The following GABBR2 variants were observed in gnomAD, a reference collection of about 807,000 sequenced individuals.
GABBR2 encodes the protein gamma-aminobutyric acid type B receptor subunit 2.
GABBR2 carries 23 observed loss-of-function variants against 105.6 expected under a neutral mutation model. The ratio of observed to expected loss-of-function variants is 0.22; its 90% CI spans 0.16 to 0.31. The LOEUF (loss-of-function observed/expected upper bound fraction) is 0.31. Ranked by LOEUF, GABBR2 falls within the 10% of genes least tolerant of loss-of-function variation. The pLI is 1.00. For missense variants in GABBR2, 734 were observed against 1,245.5 expected, an observed-to-expected ratio of 0.59 and a Z score of 6.18; for synonymous variants, 478 against 499.7, an observed-to-expected ratio of 0.96 and a Z score of 0.58.
At chr9:98,624,521 G>A (rs1355257658) in intron 1 of GABBR2, among the ~76,000 whole-genome samples, 1 of 152,222 alleles carries the variant, frequency 6.6e-6, no homozygotes, top group African/African-American at 2.4e-5. Flanking sequence ...AAGGTGGGCG[G>A]GTGGTTGTAA....
chr9:98,620,673 A>G (rs1295746018), intron 1 of GABBR2, among the ~76,000 whole-genome samples: 1 of 152,178 alleles, frequency 6.6e-6, no homozygotes, highest in Non-Finnish European at 1.5e-5. Flanking sequence ...TCTTTGAGGC[A>G]TTGGGTCCGG....
intron 2 of GABBR2, among the ~76,000 whole-genome samples, chr9:98,573,860 T>C (rs1828871592): frequency 6.6e-6 from 1 of 152,244 alleles, no homozygotes; most frequent in Non-Finnish European, 1.5e-5. Context: ...CATCTATATC[T>C]ATGCTTTATA....
rs372591694 is a variant in GABBR2 at position 98,458,921 on chromosome 9, TTTC to T, written c.1000-4707_1000-4705del. On this transcript the variant is annotated intron_variant, in intron 6 of 18. Coordinates refer to ENST00000259455, the MANE Select transcript of GABBR2 (RefSeq NM_005458.8). ...TAGCAACTTCCAGGTGTTTGCTGAG[TTTC>T]TTCTTATACTCCTCCAGTATTGGGA... 2.3e-3 allele frequency among the ~76,000 whole-genome samples: 356 copies of T among 152,316 alleles called. 6 individuals are homozygous for T. Among genetic ancestry groups the T allele is most frequent in the Middle Eastern group, 6.8e-3 (2 of 294 alleles).
At position 98,638,535 on chromosome 9, in the gene GABBR2, C is replaced by G. The variant is rs1357084538; in HGVS notation, c.322-60463G>C. Among the ~76,000 whole-genome samples the G allele has an allele frequency of 2.0e-5, 3 of 152,076 alleles. No individual in the cohort carries two copies. The South Asian group carries it at 6.2e-4, about 32-fold the overall frequency. On this transcript the variant is annotated intron_variant, in intron 1 of 18. Coordinates refer to ENST00000259455, the MANE Select transcript of GABBR2 (RefSeq NM_005458.8). ...AGATAAATATTAAAAGTTGAAAGAG[C>G]CAGTGCCTTTATACAAAGGCTGGAT...
At chr9:98,577,814 A>G in intron 2 of GABBR2, 121 bp downstream of exon 2, 2 of 918,740 alleles carry the variant, frequency 2.2e-6, no homozygotes, top group Non-Finnish European at 3.2e-6. Context: ...CACCCAGGAG[A>G]AAGTCCAGGA....
At chr9:98,410,813 A>G (rs1303278594) in intron 7 of GABBR2, among the ~76,000 whole-genome samples, 2 of 152,148 alleles carry the variant, frequency 1.3e-5, no homozygotes, top group Non-Finnish European at 2.9e-5. Context: ...TCCAGTCAAG[A>G]AAACAAAAAC....
At chr9:98,352,502 A>C (rs947540457) in intron 13 of GABBR2, among the ~76,000 whole-genome samples, 13 of 152,024 alleles carry the variant, frequency 8.6e-5, no homozygotes, top group Admixed American at 2.6e-4. Context: ...AGGGTGGACT[A>C]ATACTCAGAT....
At chr9:98,313,647 A>G (rs1021129603) in intron 13 of GABBR2, among the ~76,000 whole-genome samples, 1 of 152,152 alleles carries the variant, frequency 6.6e-6, no homozygotes, top group Non-Finnish European at 1.5e-5. Context: ...GGAGTATATC[A>G]CCAAATAACT....
chr9:98,707,174 A>C (rs1588291300), intron 1 of GABBR2: 2 of 152,244 alleles, frequency 1.3e-5, no homozygotes, highest in East Asian at 3.9e-4. Context: ...GGTCCGACCA[A>C]GGAGGAGGGG....
At chr9:98,527,691 T>G (rs555080627) in intron 3 of GABBR2, among the ~76,000 whole-genome samples, 8 of 152,210 alleles carry the variant, frequency 5.3e-5, no homozygotes, top group African/African-American at 1.7e-4. Flanking sequence ...AAAACTTTGC[T>G]GAGGATCCAA....
rs552867670 is a variant in GABBR2, at chr9:98,326,177, A to G, written c.1894-14972T>C. On this transcript the variant is annotated intron_variant, in intron 13 of 18. Coordinates refer to ENST00000259455, the MANE Select transcript of GABBR2 (RefSeq NM_005458.8). ...CGGGGGAATAAGAACAGGAATGCAG[A>G]TTTAAGGAAAGTTGAAGTTGTACAT... Among the ~76,000 whole-genome samples the G allele has an allele frequency of 9.2e-5, 14 of 152,356 alleles. No individual in the cohort carries two copies. The South Asian group carries it at 1.9e-3, about 20-fold the overall frequency.
chr9:98,299,767 T>C (rs906036205), intron 16 of GABBR2, among the ~76,000 whole-genome samples: 1 of 152,144 alleles, frequency 6.6e-6, no homozygotes, highest in African/African-American at 2.4e-5. Context: ...GGGGTAATAA[T>C]AGTACCTACC....
intron 1 of GABBR2, among the ~76,000 whole-genome samples, chr9:98,592,591 C>T (rs1032596188): frequency 2.0e-5 from 3 of 152,196 alleles, no homozygotes; most frequent in Admixed American, 6.5e-5. Flanking sequence ...TACTCCAAAC[C>T]TTATGCTCTT....
intron 1 of GABBR2, among the ~76,000 whole-genome samples, chr9:98,675,311 G>A (rs1830460714): frequency 6.6e-6 from 1 of 152,190 alleles, no homozygotes; most frequent in Admixed American, 6.5e-5. Context: ...ACCAGAGGAA[G>A]GCAGGCCAGG....
intron 7 of GABBR2, among the ~76,000 whole-genome samples, chr9:98,444,762 T>C (rs538223432): frequency 6.6e-6 from 1 of 152,146 alleles, no homozygotes; most frequent in Non-Finnish European, 1.5e-5. Context: ...GAGAGTTGCT[T>C]ATGGGAGAAA....
At chr9:98,670,819 G>C (rs1181805274) in intron 1 of GABBR2, among the ~76,000 whole-genome samples, 1 of 152,194 alleles carries the variant, frequency 6.6e-6, no homozygotes, top group Non-Finnish European at 1.5e-5. Flanking sequence ...TGGTTGCCAA[G>C]ACTAGAGGGT....
intron 8 of GABBR2, among the ~76,000 whole-genome samples, chr9:98,399,820 T>A (rs1360460502): frequency 6.6e-6 from 1 of 152,068 alleles, no homozygotes; most frequent in Non-Finnish European, 1.5e-5. Context: ...GGGATTGATA[T>A]CTAGCTTATG....
intron 2 of GABBR2, among the ~76,000 whole-genome samples, chr9:98,562,327 A>G (rs1453398471): frequency 6.6e-6 from 1 of 152,244 alleles, no homozygotes; most frequent in East Asian, 1.9e-4. Context: ...ATGGCAACAA[A>G]GACAATGCAT....
intron 1 of GABBR2, among the ~76,000 whole-genome samples, chr9:98,598,929 C>T (rs1437366520): frequency 6.6e-6 from 1 of 152,112 alleles, no homozygotes; most frequent in Non-Finnish European, 1.5e-5. Context: ...ATTAACAAGC[C>T]TCTTATAGAC....
Sources: allele counts gnomAD v4.1 joint callset (sites outside exome capture counted in the v4.1 genomes callset), GRCh38; gene constraint gnomAD v4.1.1; transcripts MANE v1.5; gene names NCBI Gene and HGNC (gene_info 2026-07-23, HGNC 2026-07-21).